Variants in TOM1L2 observed in about 807,000 individuals in gnomAD.
TOM1L2 encodes TOM1-like protein 2.
A neutral mutation model predicts 67.9 loss-of-function variants in TOM1L2; 31 were observed. The ratio of observed to expected loss-of-function variants is 0.46; its 90% CI spans 0.34 to 0.62. The LOEUF is 0.62. Among genes scored for constraint, TOM1L2 ranks in the 20% least tolerant of loss-of-function variants. The pLI is 0.01. For missense variants in TOM1L2, 606 were observed against 663.5 expected, an observed-to-expected ratio of 0.91 and a Z score of 0.95; for synonymous variants, 256 against 254.0, an observed-to-expected ratio of 1.01 and a Z score of -0.07.
chr17:17,861,330 CG>C (rs1568081054), intron 12 of TOM1L2, 145 bp downstream of exon 12: 1 of 658,040 alleles, frequency 1.5e-6, no homozygotes, highest in African/African-American at 1.8e-5. Flanking sequence ...CTGGGTTCCA[CG>C]GGGTGTCCCC....
At chr17:17,937,738 C>T (rs988303135) in intron 1 of TOM1L2, among the ~76,000 whole-genome samples, 2 of 152,158 alleles carry the variant, frequency 1.3e-5, no homozygotes, top group African/African-American at 4.8e-5. Flanking sequence ...GGATAAATGA[C>T]ACTAAATAAT....
chr17:17,914,532 T>A (rs2039547217), intron 1 of TOM1L2, among the ~76,000 whole-genome samples: 1 of 152,222 alleles, frequency 6.6e-6, no homozygotes, highest in Non-Finnish European at 1.5e-5. Flanking sequence ...CTCTGGGGCC[T>A]ATCTGGCTCT....
At position 17,870,344 on chromosome 17, in the gene TOM1L2, C is replaced by T. The variant is rs188973187; in HGVS notation, c.778-871G>A. ...CCAGAACAGCAGACTTACTGATGCC[C>T]TTGTTCAAACTTGCTTACAGAGCTC... On this transcript the variant is annotated intron_variant, in intron 7 of 14. Transcript: ENST00000379504. Among the ~76,000 whole-genome samples the T allele has an allele frequency of 1.7e-3, 253 of 152,258 alleles. 3 individuals are homozygous for T. Among genetic ancestry groups the T allele is most frequent in the Non-Finnish European group, 2.1e-3 (144 of 68,010 alleles).
chr17:17,884,552 C>T, intron 5 of TOM1L2, 82 bp downstream of exon 5: 1 of 1,575,802 alleles, frequency 6.3e-7, no homozygotes, highest in Non-Finnish European at 8.7e-7. Flanking sequence ...AATTCAAAGG[C>T]AGCAGCAGAA....
intron 5 of TOM1L2, 90 bp from the exon 6 acceptor site, chr17:17,882,953 A>G: frequency 6.6e-7 from 1 of 1,515,380 alleles, no homozygotes; most frequent in Non-Finnish European, 9.0e-7. Flanking sequence ...GCACTTCCCC[A>G]AGGCTGCCCA....
At chr17:17,916,361 C>T (rs1224791087) in intron 1 of TOM1L2, among the ~76,000 whole-genome samples, 1 of 152,218 alleles carries the variant, frequency 6.6e-6, no homozygotes, top group Non-Finnish European at 1.5e-5. Context: ...GCATGAATCA[C>T]CGCGCCCGGC....
chr17:17,845,174 G>C lies in TOM1L2; in HGVS notation c.*2461C>G, dbSNP rs1255937027. The C allele has an allele frequency of 1.3e-5, 2 of 152,230 alleles. No individual in the cohort carries two copies. Among genetic ancestry groups the C allele is most frequent in the Admixed American group, 6.5e-5 (1 of 15,288 alleles). 9.4% of individuals were successfully genotyped at this position (152,230 alleles called of 1,614,324 possible). A position where few individuals can be genotyped will look rare whatever the true frequency, so the allele number is the denominator to read the frequency against. The stretch of plus-strand genomic sequence containing the variant: ...GCCCCCTCTGCCTACAGGTGGGGCA[G>C]GCTACCTCCGGATAGGAGGTGCAAG... On this transcript the variant is annotated 3_prime_UTR_variant, in exon 15 of 15. Transcript: ENST00000379504.
chr17:17,971,475 C>CTCCTCCTA (rs2042080709), intron 1 of TOM1L2, among the ~76,000 whole-genome samples: 1 of 152,106 alleles, frequency 6.6e-6, no homozygotes, highest in Non-Finnish European at 1.5e-5. Flanking sequence ...CCAAGAGCCC[C>CTCCTCCTA]TCCTCCTATC....
chr17:17,959,630 A>T (rs191097137), intron 1 of TOM1L2, among the ~76,000 whole-genome samples: 1 of 152,194 alleles, frequency 6.6e-6, no homozygotes, highest in African/African-American at 2.4e-5. Context: ...TATTTCGACT[A>T]ATGACGTGCC....
chr17:17,884,755 G>T lies in TOM1L2; in HGVS notation c.380C>A (p.Ala127Asp), dbSNP rs755576657. 1.1e-5 allele frequency: 18 copies of T among 1,613,388 alleles called. No individual in the cohort carries two copies. Among genetic ancestry groups the T allele is most frequent in the Non-Finnish European group, 1.4e-5 (17 of 1,180,040 alleles). ...VLALIQAWAD[A>D]FRSSPDLTGV... Reference sequence around the variant, plus strand: ...GGTGAGATCAGGACTGCTTCGAAAGGCATCAGCCCATGCCTGGGATAATAG... The same window carrying T: ...GGTGAGATCAGGACTGCTTCGAAAGTCATCAGCCCATGCCTGGGATAATAG... The change falls in exon 5 of 15, where the codon GCC becomes GAC. Residue 127 changes from alanine (A) to aspartate (D), a missense_variant. Around this residue, in one of 2 missense-constraint regions of TOM1L2, gnomAD observed 543 missense variants for 554.0 expected, o/e 0.98. Coordinates refer to ENST00000379504, the MANE Select transcript of TOM1L2 (RefSeq NM_001082968.2).
At chr17:17,931,318 AGG>A (rs2040325752) in intron 1 of TOM1L2, among the ~76,000 whole-genome samples, 6 of 152,206 alleles carry the variant, frequency 3.9e-5, no homozygotes, top group African/African-American at 1.4e-4. Context: ...CTGCCAAGCA[AGG>A]CAGAGCACCA....
intron 3 of TOM1L2, among the ~76,000 whole-genome samples, chr17:17,897,405 G>C (rs148902613): frequency 6.6e-6 from 1 of 152,158 alleles, no homozygotes; most frequent in Non-Finnish European, 1.5e-5. Context: ...ATCCAAACAG[G>C]TTCTCTGCTT....
chr17:17,894,822 T>C (rs752065415), intron 3 of TOM1L2, among the ~76,000 whole-genome samples: 1 of 152,062 alleles, frequency 6.6e-6, no homozygotes, highest in African/African-American at 2.4e-5. Flanking sequence ...TCCCAGCTAC[T>C]TGGGAGGCTG....
rs2035584952 is a variant in TOM1L2 at position 17,845,300 on chromosome 17, T to A, written c.*2335A>T. The A allele has an allele frequency of 6.6e-6, 1 of 152,256 alleles. No individual in the cohort carries two copies. Among genetic ancestry groups the A allele is most frequent in the African/African-American group, 2.4e-5 (1 of 41,468 alleles). 9.4% of individuals were successfully genotyped at this position (152,256 alleles called of 1,614,324 possible). On this transcript the variant is annotated 3_prime_UTR_variant, in exon 15 of 15. Transcript: ENST00000379504. Reference sequence around the variant, plus strand: ...CCCATACAGGTCCACCACTCCCTGCTGCCCCTGGGGCAGCCAGGCCTCTCC... The same window carrying A: ...CCCATACAGGTCCACCACTCCCTGCAGCCCCTGGGGCAGCCAGGCCTCTCC...
At chr17:17,929,037 T>C (rs766087661) in intron 1 of TOM1L2, among the ~76,000 whole-genome samples, 2 of 152,228 alleles carry the variant, frequency 1.3e-5, no homozygotes, top group Non-Finnish European at 2.9e-5. Flanking sequence ...TGGTTCCTAA[T>C]ACCAAGTCTG....
At position 17,949,226 on chromosome 17, in the gene TOM1L2, T is replaced by C. The variant is rs550888294; in HGVS notation, c.52+23036A>G. On this transcript the variant is annotated intron_variant, in intron 1 of 14. Transcript: ENST00000379504. The stretch of plus-strand genomic sequence containing the variant: ...TTCATCTTTTCCCAGTGCTAGGTGA[T>C]GTTCTCCAATGGGGAACAGCAGTGT... Among the ~76,000 whole-genome samples the C allele has an allele frequency of 2.6e-5, 4 of 152,354 alleles. No individual in the cohort carries two copies. The East Asian group carries it at 7.7e-4, about 29-fold the overall frequency.
intron 7 of TOM1L2, chr17:17,870,031 A>G (rs1418788994): frequency 6.6e-6 from 1 of 152,460 alleles, no homozygotes; most frequent in Non-Finnish European, 1.5e-5. Flanking sequence ...ATGGTCATTT[A>G]TAACATTAAT....
chr17:17,893,620 C>CTTACTCTG, intron 4 of TOM1L2, 41 bp downstream of exon 4: 1 of 1,591,474 alleles, frequency 6.3e-7, no homozygotes, highest in South Asian at 1.1e-5. Context: ...GAGACTTCAT[C>CTTACTCTG]TTACTCTGTT....
chr17:17,915,597 C>T (rs1415158587), intron 1 of TOM1L2, among the ~76,000 whole-genome samples: 2 of 151,890 alleles, frequency 1.3e-5, no homozygotes, highest in Non-Finnish European at 2.9e-5. Context: ...CTCATTGCAA[C>T]CTTGAAATCC....
Sources: gnomAD v4.1 joint callset for allele counts (sites outside exome capture counted in the v4.1 genomes callset) on GRCh38, gnomAD v4.1.1 for gene constraint, gnomAD v4.1.1 regional missense constraint, MANE v1.5 for transcripts, NCBI Gene and HGNC (gene_info 2026-07-23, HGNC 2026-07-21) for gene names.